Variants in MAGI2 observed in about 807,000 individuals in gnomAD.
MAGI2 encodes membrane associated guanylate kinase, WW and PDZ domain containing 2, also known as membrane-associated guanylate kinase, WW and PDZ domain-containing protein 2.
In MAGI2, 35 loss-of-function variants were observed where a neutral mutation model predicts 133.3. That is an observed-to-expected ratio of 0.26 (90% CI 0.20 to 0.35). The LOEUF is 0.35. MAGI2 is among the 10% of genes least tolerant of loss of function. The pLI is 1.00. For missense variants in MAGI2, 1,636 were observed against 1,863.4 expected (o/e 0.88, Z 2.25); for synonymous variants, 729 against 710.6 (o/e 1.03, Z -0.41).
intron 2 of MAGI2, among the ~76,000 whole-genome samples, chr7:78,854,998 G>A (rs373387303): frequency 6.3e-4 from 94 of 150,290 alleles, no homozygotes; most frequent in African/African-American, 2.1e-3. Context: ...GATTACAGGC[G>A]CTTACCACGA....
At chr7:79,305,269 T>C (rs2129560092) in intron 1 of MAGI2, among the ~76,000 whole-genome samples, 1 of 152,294 alleles carries the variant, frequency 6.6e-6, no homozygotes, top group South Asian at 2.1e-4. Flanking sequence ...GTATATAGTT[T>C]TCAGAGTATG....
At chr7:78,111,885 C>T (rs899756768) in intron 20 of MAGI2, among the ~76,000 whole-genome samples, 5 of 152,186 alleles carry the variant, frequency 3.3e-5, no homozygotes, top group African/African-American at 1.2e-4. Flanking sequence ...TCAGGGTTGG[C>T]TGAATTTCAG....
intron 1 of MAGI2, among the ~76,000 whole-genome samples, chr7:79,393,637 AT>A (rs1298930460): frequency 6.6e-6 from 1 of 152,198 alleles, no homozygotes; most frequent in Admixed American, 6.6e-5. Context: ...TTCTTGCCAC[AT>A]GTGAAACTTT....
At chr7:78,641,746 G>GA (rs533387177) in intron 2 of MAGI2, among the ~76,000 whole-genome samples, 156 of 151,680 alleles carry the variant, frequency 1.0e-3, no homozygotes, top group East Asian at 3.1e-3. Flanking sequence ...CTAATACACA[G>GA]AAAAAAAATG....
intron 16 of MAGI2, among the ~76,000 whole-genome samples, chr7:78,144,854 T>C (rs1173019618): frequency 6.6e-6 from 1 of 152,190 alleles, no homozygotes; most frequent in Non-Finnish European, 1.5e-5. Context: ...CTGCACTTAT[T>C]GATCCATCAT....
intron 11 of MAGI2, among the ~76,000 whole-genome samples, chr7:78,196,671 C>T (rs1010033576): frequency 1.3e-5 from 2 of 152,126 alleles, no homozygotes; most frequent in African/African-American, 2.4e-5. Context: ...ACACCAGGGG[C>T]CTGCCCTGCC....
At chr7:78,069,513 G>C (rs1439196500) in intron 21 of MAGI2, among the ~76,000 whole-genome samples, 1 of 143,130 alleles carries the variant, frequency 7.0e-6, no homozygotes, top group Non-Finnish European at 1.5e-5. Context: ...GTGTGTGAGA[G>C]AGAGAGAGAT....
At chr7:78,241,543 T>C (rs1274265850) in intron 10 of MAGI2, among the ~76,000 whole-genome samples, 1 of 152,202 alleles carries the variant, frequency 6.6e-6, no homozygotes, top group Non-Finnish European at 1.5e-5. Context: ...TAACTCTCAG[T>C]CTGTTAGGAT....
Position 78,389,898 on chromosome 7 carries a change from C to T in MAGI2, c.1046-20685G>A, listed in dbSNP as rs73367671. Among the ~76,000 whole-genome samples, 713 of 152,274 alleles carry T rather than the reference C, an allele frequency of 4.7e-3. 5 individuals carry two copies. Among genetic ancestry groups the T allele is most frequent in the African/African-American group, 0.016 (677 of 41,556 alleles). Reference sequence around the variant, plus strand: ...AACCATTAAAGGTTTAGTTACATTGCTTTTGGAACATACGTAGACTCTTAG... The same window carrying T: ...AACCATTAAAGGTTTAGTTACATTGTTTTTGGAACATACGTAGACTCTTAG... On this transcript the variant is annotated intron_variant, in intron 6 of 21. Coordinates refer to ENST00000354212, the MANE Select transcript of MAGI2 (RefSeq NM_012301.4).
chr7:78,596,058 C>T lies in MAGI2; in HGVS notation c.538+31062G>A, dbSNP rs566080527. ...AAGAACAGAATCTTTGTCTTGTTCACTGTTGTATCCTCAGTTTGTAGATCA... is the reference window on the plus strand; with the variant it reads ...AAGAACAGAATCTTTGTCTTGTTCATTGTTGTATCCTCAGTTTGTAGATCA... On this transcript the variant is annotated intron_variant, in intron 3 of 21. Transcript: ENST00000354212. Among the ~76,000 whole-genome samples the T allele has an allele frequency of 4.0e-5, 6 of 151,206 alleles. No homozygotes were observed. In the East Asian group the frequency reaches 1.2e-3, roughly 29 times the overall value.
chr7:78,927,929 C>A (rs1356787427), intron 2 of MAGI2, among the ~76,000 whole-genome samples: 1 of 151,830 alleles, frequency 6.6e-6, no homozygotes, highest in African/African-American at 2.4e-5. Context: ...TATGCTATCC[C>A]TAAGGTGCCA....
chr7:79,333,727 A>T (rs1840243876), intron 1 of MAGI2, among the ~76,000 whole-genome samples: 1 of 152,156 alleles, frequency 6.6e-6, no homozygotes, highest in Non-Finnish European at 1.5e-5. Context: ...TGTTAACCAG[A>T]GTCATTTTCA....
chr7:79,419,115 T>C (rs540569694), intron 1 of MAGI2, among the ~76,000 whole-genome samples: 1 of 152,234 alleles, frequency 6.6e-6, no homozygotes, highest in Admixed American at 6.5e-5. Context: ...CAATGACTTA[T>C]GATAATTTTT....
chr7:78,762,755 T>C (rs1824638721), intron 2 of MAGI2, among the ~76,000 whole-genome samples: 1 of 152,176 alleles, frequency 6.6e-6, no homozygotes, highest in Non-Finnish European at 1.5e-5. Flanking sequence ...GTGTGAACAG[T>C]TTTGGGGAAC....
chr7:79,343,097 T>C (rs1013551848), intron 1 of MAGI2, among the ~76,000 whole-genome samples: 4 of 152,168 alleles, frequency 2.6e-5, no homozygotes, highest in African/African-American at 9.7e-5. Context: ...ACAGCTTTAC[T>C]GAGGCATAAT....
intron 4 of MAGI2, among the ~76,000 whole-genome samples, chr7:78,507,595 C>T (rs1795201070): frequency 6.6e-6 from 1 of 152,160 alleles, no homozygotes; most frequent in Non-Finnish European, 1.5e-5. Flanking sequence ...TCCCCCAACT[C>T]TGAGCAACTA....
At chr7:78,826,227 G>A (rs770489604) in intron 2 of MAGI2, among the ~76,000 whole-genome samples, 77 of 151,740 alleles carry the variant, frequency 5.1e-4, no homozygotes, top group African/African-American at 1.7e-3. Flanking sequence ...GGTGGCAGGC[G>A]CCTGTAGTCC....
chr7:79,234,307 C>T lies in MAGI2; in HGVS notation c.301+218713G>A, dbSNP rs866690632. 1.1e-3 allele frequency among the ~76,000 whole-genome samples: 162 copies of T among 150,504 alleles called. 3 individuals are homozygous for T. The South Asian group carries it at 0.02, about 18-fold the overall frequency. ...CTCTTCTCGAGGAGTATCTTTGTGGCGTTCTCTGTATTTCCTGAATCTGAA... is the reference window on the plus strand; with the variant it reads ...CTCTTCTCGAGGAGTATCTTTGTGGTGTTCTCTGTATTTCCTGAATCTGAA... On this transcript the variant is annotated intron_variant, in intron 1 of 21. Transcript: ENST00000354212.
intron 2 of MAGI2, among the ~76,000 whole-genome samples, chr7:78,926,839 T>A (rs894299114): frequency 2.6e-5 from 4 of 151,890 alleles, no homozygotes; most frequent in Admixed American, 6.6e-5. Context: ...GTTTTTTTTT[T>A]TCCTTTTGCA....
Sources: gnomAD v4.1 joint callset for allele counts (sites outside exome capture counted in the v4.1 genomes callset) on GRCh38, gnomAD v4.1.1 for gene constraint, MANE v1.5 for transcripts, NCBI Gene and HGNC (gene_info 2026-07-23, HGNC 2026-07-21) for gene names.